CACNA2D1: variants seen among roughly 807,000 people sequenced by gnomAD.
The protein encoded by CACNA2D1 is calcium voltage-gated channel auxiliary subunit alpha2delta 1.
In CACNA2D1, 53 loss-of-function variants were observed where a neutral mutation model predicts 171.5. The observed-to-expected ratio is 0.31, with a 90% CI of 0.25 to 0.39. The LOEUF (loss-of-function observed/expected upper bound fraction) is 0.39. Among genes scored for constraint, CACNA2D1 ranks in the 10% least tolerant of loss-of-function variants. The probability of loss-of-function intolerance (pLI) is 1.00; values close to 1 mark genes in which losing one functional copy is unlikely to be tolerated. For missense variants in CACNA2D1, 903 were observed against 1,299.8 expected (o/e 0.69, Z 4.69); for synonymous variants, 442 against 443.1 (o/e 1.00, Z 0.03).
Position 82,443,640 on chromosome 7 carries a change from C to T in CACNA2D1, c.-181G>A, listed in dbSNP as rs1388030134. 3 of 1,307,186 alleles carry T rather than the reference C, an allele frequency of 2.3e-6. No homozygotes were observed. In the African/African-American group the frequency reaches 4.7e-5, roughly 20 times the overall value. 81.0% of individuals were successfully genotyped at this position (1,307,186 alleles called of 1,614,324 possible). A position where few individuals can be genotyped will look rare whatever the true frequency, so the allele number is the denominator to read the frequency against. ...GGACGGCAAGGGCGGGAGCGGACGC[C>T]GAGGAAGGGGCGGTGGCGGGCGGAC... is the stretch of plus-strand genomic sequence containing the variant. On this transcript the variant is annotated 5_prime_UTR_variant, in exon 1 of 39. Transcript: ENST00000356860.
chr7:82,133,331 A>G (rs1791223425), intron 5 of CACNA2D1, among the ~76,000 whole-genome samples: 1 of 149,628 alleles, frequency 6.7e-6, no homozygotes, highest in African/African-American at 2.6e-5. Context: ...AGTGAGCCTG[A>G]AAAAACATGG....
chr7:82,173,097 A>G (rs962540926), intron 3 of CACNA2D1, among the ~76,000 whole-genome samples: 8 of 152,006 alleles, frequency 5.3e-5, no homozygotes, highest in African/African-American at 1.9e-4. Flanking sequence ...AGAAAGTGCA[A>G]TTCAACTGAT....
At chr7:82,031,204 C>T (rs928863225) in intron 12 of CACNA2D1, among the ~76,000 whole-genome samples, 2 of 151,680 alleles carry the variant, frequency 1.3e-5, no homozygotes, top group Non-Finnish European at 2.9e-5. Context: ...TATGGCTTTG[C>T]ACAGTGTGCT....
intron 12 of CACNA2D1, among the ~76,000 whole-genome samples, chr7:82,016,435 T>C (rs1396902893): frequency 6.6e-6 from 1 of 152,032 alleles, no homozygotes; most frequent in East Asian, 1.9e-4. Flanking sequence ...TAGTAAAACA[T>C]TTTTCATAAA....
intron 4 of CACNA2D1, among the ~76,000 whole-genome samples, chr7:82,156,803 CCT>C (rs1309808695): frequency 1.3e-5 from 2 of 151,780 alleles, no homozygotes; most frequent in Non-Finnish European, 2.9e-5. Context: ...CTCAAAGGCC[CCT>C]GTTTATAAAT....
intron 5 of CACNA2D1, among the ~76,000 whole-genome samples, chr7:82,132,584 A>C (rs1157718150): frequency 6.6e-6 from 1 of 152,166 alleles, no homozygotes; most frequent in African/African-American, 2.4e-5. Context: ...ACGCAAAAAG[A>C]ATCATGGATA....
At chr7:82,011,901 G>A (rs1799821469) in intron 15 of CACNA2D1, 1 of 377,438 alleles carries the variant, frequency 2.6e-6, no homozygotes, top group African/African-American at 2.1e-5. Context: ...AACATTCCAG[G>A]TTGGAAATTC....
At chr7:82,110,927 C>T (rs566793531) in intron 6 of CACNA2D1, among the ~76,000 whole-genome samples, 2 of 152,184 alleles carry the variant, frequency 1.3e-5, no homozygotes, top group Admixed American at 6.5e-5. Flanking sequence ...GTTTGTTTTA[C>T]ACTCCACTCC....
At chr7:82,400,740 A>T (rs1826299975) in intron 1 of CACNA2D1, among the ~76,000 whole-genome samples, 1 of 151,592 alleles carries the variant, frequency 6.6e-6, no homozygotes, top group African/African-American at 2.4e-5. Flanking sequence ...CTGCACAGCA[A>T]AAGAAACTAC....
intron 3 of CACNA2D1, among the ~76,000 whole-genome samples, chr7:82,328,693 T>A (rs1235591456): frequency 6.6e-6 from 1 of 152,124 alleles, no homozygotes; most frequent in African/African-American, 2.4e-5. Flanking sequence ...TTATATGTCC[T>A]CCAGTCTCAA....
chr7:82,138,094 G>A (rs258707), intron 4 of CACNA2D1, among the ~76,000 whole-genome samples: 15,718 of 152,038 alleles, frequency 0.1, 1,017 homozygotes, highest in Middle Eastern at 0.23. Context: ...ACTTCACAGA[G>A]ACAATGTATA....
chr7:82,073,607 T>G (rs1415483657), intron 7 of CACNA2D1, among the ~76,000 whole-genome samples: 1 of 152,178 alleles, frequency 6.6e-6, no homozygotes, highest in Non-Finnish European at 1.5e-5. Context: ...TTATTTTATT[T>G]TAATTTTTTT....
chr7:82,284,176 A>AAG (rs1810477509), intron 3 of CACNA2D1, among the ~76,000 whole-genome samples: 1 of 151,374 alleles, frequency 6.6e-6, no homozygotes, highest in African/African-American at 2.4e-5. Flanking sequence ...TGGGCAACAT[A>AAG]AGAGCCTTCT....
At chr7:82,002,609 C>T (rs573529000) in intron 18 of CACNA2D1, among the ~76,000 whole-genome samples, 9 of 152,168 alleles carry the variant, frequency 5.9e-5, no homozygotes, top group African/African-American at 2.2e-4. Context: ...TGCACAATTT[C>T]CTATACAATA....
intron 10 of CACNA2D1, among the ~76,000 whole-genome samples, chr7:82,047,929 C>A (rs1036339619): frequency 3.3e-5 from 5 of 152,054 alleles, no homozygotes; most frequent in Admixed American, 6.6e-5. Context: ...AGTATTTGAG[C>A]AAAGACCTGA....
At chr7:82,140,168 AAACT>A (rs1792197478) in intron 4 of CACNA2D1, among the ~76,000 whole-genome samples, 1 of 152,080 alleles carries the variant, frequency 6.6e-6, no homozygotes, top group Non-Finnish European at 1.5e-5. Context: ...GAAAAAAACA[AAACT>A]GACTTTTTAT....
At chr7:82,072,128 T>C (rs767924945) in intron 7 of CACNA2D1, among the ~76,000 whole-genome samples, 12 of 152,172 alleles carry the variant, frequency 7.9e-5, no homozygotes, top group Admixed American at 4.6e-4. Context: ...GTCAGGACTT[T>C]TCTCAATCAT....
At chr7:82,314,528 A>G (rs1814855193) in intron 3 of CACNA2D1, among the ~76,000 whole-genome samples, 1 of 152,250 alleles carries the variant, frequency 6.6e-6, no homozygotes, top group African/African-American at 2.4e-5. Flanking sequence ...ATTGCAAGAA[A>G]GTATAACATT....
chr7:82,221,887 TGAA>T (rs1801813649), intron 3 of CACNA2D1, among the ~76,000 whole-genome samples: 1 of 151,120 alleles, frequency 6.6e-6, no homozygotes, highest in African/African-American at 2.4e-5. Context: ...GATTTTGACA[TGAA>T]GAAAAAAACT....
Sources: gnomAD v4.1 joint callset for allele counts (sites outside exome capture counted in the v4.1 genomes callset) on GRCh38, gnomAD v4.1.1 for gene constraint, MANE v1.5 for transcripts, NCBI Gene and HGNC (gene_info 2026-07-23, HGNC 2026-07-21) for gene names.